Variants in C14orf93 observed in about 807,000 individuals in gnomAD.
The protein encoded by C14orf93 is chromosome 14 open reading frame 93.
A neutral mutation model predicts 44.0 loss-of-function variants in C14orf93; 23 were observed. That is an observed-to-expected ratio of 0.52 (90% CI 0.38 to 0.74). The LOEUF (loss-of-function observed/expected upper bound fraction) is 0.74. Ranked by LOEUF, C14orf93 falls within the 30% of genes least tolerant of loss-of-function variation. C14orf93 has a pLI of 0.00. For synonymous variants in C14orf93, 253 were observed against 265.7 expected, an observed-to-expected ratio of 0.95 and a Z score of 0.46; for missense variants, 579 against 678.9, an observed-to-expected ratio of 0.85 and a Z score of 1.64.
intron 3 of C14orf93, among the ~76,000 whole-genome samples, chr14:22,993,073 T>G (rs1566675376): frequency 6.6e-6 from 1 of 152,292 alleles, no homozygotes; most frequent in East Asian, 1.9e-4. Flanking sequence ...AGAGACGTGG[T>G]TTCACCATGT....
rs913404418 is a variant in C14orf93 at position 22,987,641 on chromosome 14, C to T, written c.1198-7G>A. 2 of 1,570,700 alleles carry T rather than the reference C, an allele frequency of 1.3e-6. No individual in the cohort carries two copies. The highest frequency in any genetic ancestry group is 8.6e-7 in the Non-Finnish European group (1 of 1,159,768). On this transcript the variant is annotated splice_region_variant and splice_polypyrimidine_tract_variant and intron_variant, in intron 6 of 6. Transcript: ENST00000299088. The surrounding 1 kb of genome is among the most constrained non-coding windows in gnomAD (Gnocchi z 5.6). Reference sequence around the variant, plus strand: ...TGGATCGGTTGGCAAAAAGCTAAGGCAGGAACCCAGGAGATAGATTAGGAA... The same window carrying T: ...TGGATCGGTTGGCAAAAAGCTAAGGTAGGAACCCAGGAGATAGATTAGGAA...
intron 2 of C14orf93, among the ~76,000 whole-genome samples, chr14:22,997,863 A>T (rs2046083388): frequency 6.7e-6 from 1 of 150,024 alleles, no homozygotes; most frequent in African/African-American, 2.5e-5. Flanking sequence ...TTCCACATAG[A>T]TTCACCTTTC....
At chr14:22,995,203 T>C (rs1277661030) in intron 3 of C14orf93, among the ~76,000 whole-genome samples, 1 of 152,196 alleles carries the variant, frequency 6.6e-6, no homozygotes, top group African/African-American at 2.4e-5. Flanking sequence ...GAGCTGAAGG[T>C]CTAGTGACTC....
chr14:23,008,619 A>C (rs1397488783), intron 1 of C14orf93, among the ~76,000 whole-genome samples: 1 of 152,206 alleles, frequency 6.6e-6, no homozygotes, highest in Non-Finnish European at 1.5e-5. Context: ...CTGCGAATAC[A>C]AATTTGGATA....
At chr14:22,997,143 G>C (rs1245340376) in intron 2 of C14orf93, among the ~76,000 whole-genome samples, 1 of 152,124 alleles carries the variant, frequency 6.6e-6, no homozygotes, top group Non-Finnish European at 1.5e-5. Flanking sequence ...GCAATGCCTA[G>C]CCTGGTACCT....
chr14:23,008,322 A>AT lies in C14orf93; in HGVS notation c.-380+1778dup, dbSNP rs1415468001. On this transcript the variant is annotated intron_variant, in intron 1 of 6. Coordinates refer to ENST00000299088, the MANE Select transcript of C14orf93 (RefSeq NM_021944.4). Reference sequence around the variant, plus strand: ...TGACTTGAATTGTTAGAGAATAAAAATACACTCAGCACAAGTAAGAAACCC... The same window carrying AT: ...TGACTTGAATTGTTAGAGAATAAAAATTACACTCAGCACAAGTAAGAAACCC... 2.0e-5 allele frequency among the ~76,000 whole-genome samples: 3 copies of AT among 152,322 alleles called. No individual in the cohort carries two copies. The East Asian group carries it at 5.8e-4, about 29-fold the overall frequency.
At chr14:23,008,584 A>C (rs2046750217) in intron 1 of C14orf93, among the ~76,000 whole-genome samples, 1 of 152,006 alleles carries the variant, frequency 6.6e-6, no homozygotes, top group Admixed American at 6.6e-5. Flanking sequence ...AGCACCTCAT[A>C]TACCTCCTAT....
chr14:22,987,720 G>T lies in C14orf93; in HGVS notation c.1198-86C>A. Reference sequence around the variant, plus strand: ...GAAAAGGTTTGGTGGGGAAGGCTGTGTAAAATCTGTGCCTAAGTGAACCCA... The same window carrying T: ...GAAAAGGTTTGGTGGGGAAGGCTGTTTAAAATCTGTGCCTAAGTGAACCCA... On this transcript the variant is annotated intron_variant, in intron 6 of 6. Coordinates refer to ENST00000299088, the MANE Select transcript of C14orf93 (RefSeq NM_021944.4). The surrounding 1 kb of genome is among the most constrained non-coding windows in gnomAD (Gnocchi z 5.6). The T allele has an allele frequency of 1.4e-6, 2 of 1,418,588 alleles. No individual in the cohort carries two copies. Among genetic ancestry groups the T allele is most frequent in the South Asian group, 1.4e-5 (1 of 71,592 alleles). The allele number at this position is 1,418,588 out of a possible 1,614,324, so 87.9% of individuals were successfully genotyped here.
intron 1 of C14orf93, among the ~76,000 whole-genome samples, chr14:23,001,353 A>G (rs984245937): frequency 6.6e-6 from 1 of 152,236 alleles, no homozygotes. Context: ...TGAGTTGTCT[A>G]ACTCCTTTCT....
intron 2 of C14orf93, among the ~76,000 whole-genome samples, chr14:22,997,177 C>T (rs887058679): frequency 2.6e-5 from 4 of 152,170 alleles, no homozygotes; most frequent in African/African-American, 9.7e-5. Context: ...CTTCCAGGTC[C>T]TCCCTTGAGC....
rs1158236650 is a variant in C14orf93, at chr14:22,991,020, G to A, written c.919-893C>T. ...TTTTTAGTAGAGACGGGGTTTCACC[G>A]TGTTAGCCAGGATGGTCACAATCTC... is the stretch of plus-strand genomic sequence containing the variant. On this transcript the variant is annotated intron_variant, in intron 3 of 6. Coordinates refer to ENST00000299088, the MANE Select transcript of C14orf93 (RefSeq NM_021944.4). Among the ~76,000 whole-genome samples the A allele has an allele frequency of 2.0e-4, 30 of 150,136 alleles. 1 individual carries two copies. Among genetic ancestry groups the A allele is most frequent in the African/African-American group, 6.6e-4 (27 of 40,920 alleles).
intron 1 of C14orf93, among the ~76,000 whole-genome samples, chr14:23,007,411 T>C (rs1377192912): frequency 6.6e-6 from 1 of 152,244 alleles, no homozygotes; most frequent in Non-Finnish European, 1.5e-5. Context: ...TGTACACGAT[T>C]ATAAGCACAG....
chr14:22,994,418 G>A (rs769841804), intron 3 of C14orf93, among the ~76,000 whole-genome samples: 1 of 152,180 alleles, frequency 6.6e-6, no homozygotes, highest in Non-Finnish European at 1.5e-5. Context: ...GGGTGAGGCA[G>A]GAGAATCGCT....
intron 5 of C14orf93, among the ~76,000 whole-genome samples, chr14:22,989,375 C>T (rs1202195188): frequency 6.6e-6 from 1 of 152,130 alleles, no homozygotes; most frequent in Non-Finnish European, 1.5e-5. Flanking sequence ...AAAGAGAAAG[C>T]CTGGGAAATA....
intron 1 of C14orf93, among the ~76,000 whole-genome samples, chr14:23,003,063 G>A (rs1483644500): frequency 6.6e-6 from 1 of 152,090 alleles, no homozygotes; most frequent in African/African-American, 2.4e-5. Flanking sequence ...TCAGACTAAG[G>A]ATAATATTTT....
Position 22,999,005 on chromosome 14 carries a change from T to C in C14orf93, c.19A>G (p.Ile7Val). 6.2e-7 allele frequency: 1 copy of C among 1,611,384 alleles called. No homozygotes were observed. The highest frequency in any genetic ancestry group is 8.5e-7 in the Non-Finnish European group (1 of 1,179,488). MSFSAT[I>V]LFSPPSGSEA... Reference sequence around the variant, plus strand: ...CTGCCACTGGGAGGGGAGAAGAGAATGGTGGCACTGAAGGACATGGCGGAT... The same window carrying C: ...CTGCCACTGGGAGGGGAGAAGAGAACGGTGGCACTGAAGGACATGGCGGAT... The change falls in exon 2 of 7, where the codon ATT becomes GTT. Residue 7 changes from isoleucine (I) to valine (V), a missense_variant. Ile to Val is a conservative substitution (Grantham distance 29). Transcript: ENST00000299088.
intron 4 of C14orf93, 53 bp from the exon 5 acceptor site, chr14:22,989,898 C>A (rs1040799315): frequency 2.1e-5 from 32 of 1,525,446 alleles, no homozygotes; most frequent in Non-Finnish European, 2.9e-5. Context: ...AAGAGCCAGA[C>A]AAACAGAGAT....
rs149459821 is a variant in C14orf93, at chr14:22,998,546, G to C, written c.478C>G (p.Arg160Gly). 4 of 1,613,820 alleles carry C rather than the reference G, an allele frequency of 2.5e-6. No homozygotes were observed. The highest frequency in any genetic ancestry group is 3.4e-6 in the Non-Finnish European group (4 of 1,179,924). ...SGVQVVIEEL[R>G]QLGAASVGPG... is the part of the protein sequence containing the mutation. ...CCCACTGAGGCTGCTCCCAGCTGCC[G>C]CAGCTCCTCAATCACCACCTGCACG... Residue 160 changes from arginine (R) to glycine (G), a missense_variant, in exon 2 of 7, where the codon CGG becomes GGG. Arg to Gly is a moderately radical substitution (Grantham distance 125, BLOSUM62 -2). Transcript: ENST00000299088.
Position 22,987,203 on chromosome 14 carries a change from T to G in C14orf93, c.*12A>C. ...GCATGGCGGAAGCCAGAGTTATTCTTGGCTGTAGATTTTATTCATCCTTTT... is the reference window on the plus strand; with the variant it reads ...GCATGGCGGAAGCCAGAGTTATTCTGGGCTGTAGATTTTATTCATCCTTTT... On this transcript the variant is annotated 3_prime_UTR_variant, in exon 7 of 7. Coordinates refer to ENST00000299088, the MANE Select transcript of C14orf93 (RefSeq NM_021944.4). The surrounding 1 kb of genome is among the most constrained non-coding windows in gnomAD (Gnocchi z 5.6). 1 of 1,601,196 alleles carries G rather than the reference T, an allele frequency of 6.2e-7. No homozygotes were observed. The highest frequency in any genetic ancestry group is 8.5e-7 in the Non-Finnish European group (1 of 1,172,152).
Sources: gnomAD v4.1 joint callset for allele counts (sites outside exome capture counted in the v4.1 genomes callset) on GRCh38, gnomAD v4.1.1 for gene constraint, Gnocchi (gnomAD v3.1) non-coding constraint, MANE v1.5 for transcripts, NCBI Gene and HGNC (gene_info 2026-07-23, HGNC 2026-07-21) for gene names.